The following PDS5A variants were observed in gnomAD, a reference collection of about 807,000 sequenced individuals.
PDS5A encodes the protein PDS5 cohesin associated factor A.
PDS5A carries 42 observed loss-of-function variants against 167.1 expected under a neutral mutation model. The observed-to-expected ratio is 0.25, with a 90% CI of 0.20 to 0.33. The LOEUF (loss-of-function observed/expected upper bound fraction) is 0.33. Ranked by LOEUF, PDS5A falls within the 10% of genes least tolerant of loss-of-function variation. The pLI is 1.00. For missense variants in PDS5A, 1,033 were observed against 1,605.9 expected (o/e 0.64, Z 6.10); for synonymous variants, 553 against 554.6 (o/e 1.00, Z 0.04).
chr4:39,939,217 T>C (rs963411271), intron 2 of PDS5A, among the ~76,000 whole-genome samples: 1 of 152,086 alleles, frequency 6.6e-6, no homozygotes, highest in Non-Finnish European at 1.5e-5. Context: ...GTAATCACAC[T>C]TTGGGAGGGC....
At chr4:39,840,002 G>A (rs1716829164) in intron 31 of PDS5A, among the ~76,000 whole-genome samples, 1 of 152,058 alleles carries the variant, frequency 6.6e-6, no homozygotes, top group Non-Finnish European at 1.5e-5. Flanking sequence ...GCTGAGGCAG[G>A]AGAATCGCTT....
At chr4:39,974,300 C>T (rs1430217739) in intron 2 of PDS5A, 4 of 534,940 alleles carry the variant, frequency 7.5e-6, no homozygotes, top group African/African-American at 5.8e-5. Context: ...TTCACAGGTT[C>T]CATGAGTCAT....
At chr4:39,965,744 T>C (rs370941701) in intron 2 of PDS5A, among the ~76,000 whole-genome samples, 1 of 152,154 alleles carries the variant, frequency 6.6e-6, no homozygotes, top group Non-Finnish European at 1.5e-5. Flanking sequence ...CAAAGTCATC[T>C]AGACAAAAAG....
At chr4:39,895,853 G>A (rs1722360837) in intron 16 of PDS5A, among the ~76,000 whole-genome samples, 1 of 151,544 alleles carries the variant, frequency 6.6e-6, no homozygotes, top group Admixed American at 6.6e-5. Flanking sequence ...GAGTAGCTGG[G>A]ACTACAGGCG....
chr4:39,954,437 G>C (rs1035700624), intron 2 of PDS5A, among the ~76,000 whole-genome samples: 2 of 151,870 alleles, frequency 1.3e-5, no homozygotes, highest in Non-Finnish European at 2.9e-5. Flanking sequence ...TCCTGCCTCG[G>C]CCTCCTGAGT....
At chr4:39,951,250 A>C (rs1389041196) in intron 2 of PDS5A, among the ~76,000 whole-genome samples, 1 of 152,196 alleles carries the variant, frequency 6.6e-6, no homozygotes, top group African/African-American at 2.4e-5. Flanking sequence ...CTGTGACTAC[A>C]TAATGAGGAC....
chr4:39,963,218 G>A (rs1315120906), intron 2 of PDS5A, among the ~76,000 whole-genome samples: 1 of 152,036 alleles, frequency 6.6e-6, no homozygotes, highest in African/African-American at 2.4e-5. Context: ...CACTTTGGGA[G>A]GCCGAGGCAG....
At chr4:39,976,668 T>G in intron 1 of PDS5A, 51 bp from the exon 2 acceptor site, 1 of 920,516 alleles carries the variant, frequency 1.1e-6, no homozygotes, top group Non-Finnish European at 1.7e-6. Flanking sequence ...CTTTGTAACC[T>G]CTTTTTTCAT....
At position 39,827,165 on chromosome 4, in the gene PDS5A, A is replaced by G. The variant is rs1715400220; in HGVS notation, c.4011-1677T>C. Among the ~76,000 whole-genome samples the G allele has an allele frequency of 3.3e-5, 5 of 151,918 alleles. No individual in the cohort carries two copies. The South Asian group carries it at 1.0e-3, about 31-fold the overall frequency. Reference sequence around the variant, plus strand: ...ATAGGTTGCGCCCCCACGCGCAGCTAATTTTTGTATTTTTAGTAGAGATGG... The same window carrying G: ...ATAGGTTGCGCCCCCACGCGCAGCTGATTTTTGTATTTTTAGTAGAGATGG... On this transcript the variant is annotated intron_variant, in intron 32 of 32. Transcript: ENST00000303538.
At chr4:39,839,713 T>C (rs1022275372) in intron 31 of PDS5A, among the ~76,000 whole-genome samples, 25 of 125,554 alleles carry the variant, frequency 2.0e-4, no homozygotes, top group African/African-American at 8.1e-4. Flanking sequence ...AATAAGTATA[T>C]GGTGAGCAAT....
Position 39,914,510 on chromosome 4 carries a change from T to C in PDS5A, c.877-784A>G, listed in dbSNP as rs925657060. ...CCCCTACGACTGGAGAATACGACAC[T>C]ACAGAATTTCATGATTCATGGAAAC... On this transcript the variant is annotated intron_variant, in intron 8 of 32. Transcript: ENST00000303538. 5.3e-5 allele frequency among the ~76,000 whole-genome samples: 8 copies of C among 152,216 alleles called. 1 individual carries two copies. The highest frequency in any genetic ancestry group is 6.8e-3 in the Middle Eastern group (2 of 294).
intron 10 of PDS5A, among the ~76,000 whole-genome samples, chr4:39,909,362 T>C (rs1211463929): frequency 1.3e-5 from 2 of 152,178 alleles, no homozygotes; most frequent in East Asian, 1.9e-4. Flanking sequence ...TGGCCTCAAG[T>C]GATGCACTGC....
intron 2 of PDS5A, among the ~76,000 whole-genome samples, chr4:39,943,651 AC>A (rs1294676795): frequency 7.3e-5 from 11 of 151,288 alleles, no homozygotes; most frequent in Admixed American, 2.0e-4. Context: ...TACAAAAAAT[AC>A]AAAAATTAGC....
chr4:39,956,684 T>G (rs890532439), intron 2 of PDS5A, among the ~76,000 whole-genome samples: 11 of 151,900 alleles, frequency 7.2e-5, no homozygotes, highest in Non-Finnish European at 1.5e-4. Context: ...TTACTTTTTT[T>G]TTTTTGGAGA....
chr4:39,915,775 A>C (rs1033102383), intron 8 of PDS5A, among the ~76,000 whole-genome samples: 1 of 152,330 alleles, frequency 6.6e-6, no homozygotes, highest in Middle Eastern at 3.4e-3. Flanking sequence ...TTAAAGAAAA[A>C]GTAATCTATC....
intron 2 of PDS5A, among the ~76,000 whole-genome samples, chr4:39,962,587 C>A (rs1448006652): frequency 6.6e-6 from 1 of 151,870 alleles, no homozygotes; most frequent in Non-Finnish European, 1.5e-5. Flanking sequence ...GAGCAGATCA[C>A]AAGGTCAGGA....
intron 17 of PDS5A, among the ~76,000 whole-genome samples, chr4:39,880,833 C>A (rs563056441): frequency 6.6e-6 from 1 of 152,232 alleles, no homozygotes; most frequent in Admixed American, 6.5e-5. Flanking sequence ...CTATTTGAAA[C>A]TATGTTATTG....
intron 17 of PDS5A, among the ~76,000 whole-genome samples, chr4:39,890,042 G>A (rs765847132): frequency 1.3e-5 from 2 of 152,048 alleles, no homozygotes; most frequent in Non-Finnish European, 2.9e-5. Flanking sequence ...ATAAACATAA[G>A]AACTCTTTAA....
chr4:39,897,801 G>A (rs989003296), intron 16 of PDS5A, among the ~76,000 whole-genome samples: 19 of 151,700 alleles, frequency 1.3e-4, no homozygotes, highest in Admixed American at 1.2e-3. Flanking sequence ...GGACTTTAAC[G>A]CTGTAGTGAA....
Sources: gnomAD v4.1 joint callset for allele counts (sites outside exome capture counted in the v4.1 genomes callset) on GRCh38, gnomAD v4.1.1 for gene constraint, MANE v1.5 for transcripts, NCBI Gene and HGNC (gene_info 2026-07-23, HGNC 2026-07-21) for gene names.